Variants in TNPO3 observed in about 807,000 individuals in gnomAD.
The protein encoded by TNPO3 is transportin-3.
A neutral mutation model predicts 122.8 loss-of-function variants in TNPO3; 65 were observed. That is an observed-to-expected ratio of 0.53 (90% CI 0.43 to 0.65). The LOEUF (loss-of-function observed/expected upper bound fraction) is 0.65, where lower values mean the gene tolerates loss of function less well. Among genes scored for constraint, TNPO3 ranks in the 30% least tolerant of loss-of-function variants. TNPO3 has a pLI of 0.00. For missense variants in TNPO3, 850 were observed against 1,136.7 expected (o/e 0.75, Z 3.63); for synonymous variants, 372 against 411.2 (o/e 0.90, Z 1.15).
intron 1 of TNPO3, among the ~76,000 whole-genome samples, chr7:129,038,481 T>C (rs1806970376): frequency 6.6e-6 from 1 of 152,202 alleles, no homozygotes; most frequent in South Asian, 2.1e-4. Context: ...CATTACTGGA[T>C]GTATACCCAA....
chr7:128,973,752 A>AG (rs1798740905), intron 18 of TNPO3, among the ~76,000 whole-genome samples: 1 of 146,306 alleles, frequency 6.8e-6, no homozygotes, highest in African/African-American at 2.5e-5. Flanking sequence ...AAAAAAAAAA[A>AG]AAAAAAAAAA....
intron 1 of TNPO3, among the ~76,000 whole-genome samples, chr7:129,053,873 A>C (rs751768095): frequency 6.6e-6 from 1 of 152,242 alleles, no homozygotes; most frequent in Non-Finnish European, 1.5e-5. Context: ...AGGAAGCATA[A>C]AACATGAATC....
Position 129,027,558 on chromosome 7 carries a change from C to CAAAAAAAAAAA in TNPO3, c.121-9412_121-9402dup, listed in dbSNP as rs71162549. On this transcript the variant is annotated intron_variant, in intron 1 of 22. Transcript: ENST00000265388. ...CCTGGGCAACAGAGCAAGACTGTCT[C>CAAAAAAAAAAA]AAAAAAAAAAAAAAAAAAAAAAAAA... Among the ~76,000 whole-genome samples the CAAAAAAAAAAA allele has an allele frequency of 6.7e-4, 6 of 8,970 alleles. 1 individual carries two copies. Among genetic ancestry groups the CAAAAAAAAAAA allele is most frequent in the Admixed American group, 2.6e-3 (1 of 392 alleles). The allele number at this position is 8,970 out of a possible 152,430, so 5.9% of individuals were successfully genotyped here.
chr7:129,000,364 G>A (rs1275403533), intron 7 of TNPO3, 65 bp downstream of exon 7: 6 of 1,425,440 alleles, frequency 4.2e-6, no homozygotes, highest in Non-Finnish European at 5.6e-6. Flanking sequence ...ACGAGGTAAT[G>A]AAATATAGAT....
At chr7:128,955,986 C>T (rs1796861751) in intron 22 of TNPO3, among the ~76,000 whole-genome samples, 1 of 152,170 alleles carries the variant, frequency 6.6e-6, no homozygotes. Context: ...TCCAGAAAAG[C>T]AGATGAGGAT....
intron 6 of TNPO3, 114 bp downstream of exon 6, chr7:129,000,945 G>T: frequency 7.8e-7 from 1 of 1,278,526 alleles, no homozygotes; most frequent in Non-Finnish European, 1.1e-6. Flanking sequence ...AGCACTATCT[G>T]TACTTTACAG....
Position 129,054,937 on chromosome 7 carries a change from G to T in TNPO3, c.-167C>A. The T allele has an allele frequency of 1.2e-6, 1 of 854,288 alleles. No individual in the cohort carries two copies. Among genetic ancestry groups the T allele is most frequent in the Non-Finnish European group, 1.8e-6 (1 of 564,902 alleles). 52.9% of individuals were successfully genotyped at this position (854,288 alleles called of 1,614,324 possible). On this transcript the variant is annotated 5_prime_UTR_variant, in exon 1 of 23. Coordinates refer to ENST00000265388, the MANE Select transcript of TNPO3 (RefSeq NM_012470.4). ...GGGCAGAAGGCTCTCCGTGGAAGTT[G>T]CCCCCTCGGAAACAGCTATTAGGTC...
At position 129,027,576 on chromosome 7, in the gene TNPO3, A is replaced by C. The variant is rs1563107404; in HGVS notation, c.121-9419T>G. Among the ~76,000 whole-genome samples, 5 of 138,458 alleles carry C rather than the reference A, an allele frequency of 3.6e-5. No homozygotes were observed. The East Asian group carries it at 7.9e-4, about 22-fold the overall frequency. The allele number at this position is 138,458 out of a possible 152,430, so 90.8% of individuals were successfully genotyped here. ...ACTGTCTCAAAAAAAAAAAAAAAAA[A>C]AAAAAAAAAAAAAAACAACACAAAA... On this transcript the variant is annotated intron_variant, in intron 1 of 22. Coordinates refer to ENST00000265388, the MANE Select transcript of TNPO3 (RefSeq NM_012470.4).
intron 1 of TNPO3, 47 bp downstream of exon 1, chr7:129,054,604 C>A: frequency 1.2e-6 from 2 of 1,608,110 alleles, no homozygotes; most frequent in Non-Finnish European, 1.7e-6. Flanking sequence ...CTAGGTTCCA[C>A]CCCGCCCCGG....
intron 14 of TNPO3, among the ~76,000 whole-genome samples, 184 bp downstream of exon 14, chr7:128,982,064 T>C (rs1020310490): frequency 6.6e-6 from 1 of 152,170 alleles, no homozygotes; most frequent in Admixed American, 6.5e-5. Flanking sequence ...CACAAAGACC[T>C]ACCAGGAATG....
At chr7:129,028,998 A>G in intron 1 of TNPO3, 1 of 423,534 alleles carries the variant, frequency 2.4e-6, no homozygotes, top group South Asian at 1.9e-5. Context: ...TCTTCTGATG[A>G]TGATTAGGAT....
chr7:129,038,352 A>G (rs1388652925), intron 1 of TNPO3, among the ~76,000 whole-genome samples: 1 of 152,230 alleles, frequency 6.6e-6, no homozygotes, highest in East Asian at 1.9e-4. Flanking sequence ...GAGGTTGCAG[A>G]GAAAAAGAAA....
chr7:129,042,499 G>A (rs1263858299), intron 1 of TNPO3, among the ~76,000 whole-genome samples: 1 of 152,150 alleles, frequency 6.6e-6, no homozygotes, highest in Non-Finnish European at 1.5e-5. Context: ...TCATTTTCAT[G>A]AGACGGGTAA....
intron 3 of TNPO3, 80 bp from the exon 4 acceptor site, chr7:129,015,215 C>A: frequency 1.4e-6 from 2 of 1,450,334 alleles, no homozygotes; most frequent in South Asian, 1.3e-5. Context: ...ATCAGAGTAA[C>A]TCACAACAAC....
At chr7:129,011,749 C>T (rs1803224743) in intron 4 of TNPO3, among the ~76,000 whole-genome samples, 1 of 152,052 alleles carries the variant, frequency 6.6e-6, no homozygotes, top group Admixed American at 6.6e-5. Context: ...ACTGAAAAAG[C>T]AAGATGCAGA....
intron 12 of TNPO3, 61 bp downstream of exon 12, chr7:128,986,668 G>C (rs995669252): frequency 1.4e-6 from 2 of 1,461,084 alleles, no homozygotes; most frequent in Non-Finnish European, 1.9e-6. Flanking sequence ...TATGACAGAT[G>C]TAAGATTACC....
chr7:128,967,383 G>A lies in TNPO3; in HGVS notation c.2608C>T (p.Arg870Ter), dbSNP rs778950447. Residue 870 changes from arginine to a stop codon, truncating the protein, a stop_gained, in exon 21 of 23, where the codon CGA becomes TGA. Transcript: ENST00000265388. LOFTEE classifies it high-confidence loss of function. ...CCTTTTAAGGAATTTTCTAACCATC[G>A]ACAAAAAGTCTGTATAGGAAAGAGG... ...IMQVDRPTFC[R>*]WLENSLKGLP... 4 of 1,610,864 alleles carry A rather than the reference G, an allele frequency of 2.5e-6. No individual in the cohort carries two copies. Among genetic ancestry groups the A allele is most frequent in the East Asian group, 2.2e-5 (1 of 44,860 alleles).
chr7:129,030,391 C>T (rs1227090587), intron 1 of TNPO3: 1 of 179,750 alleles, frequency 5.6e-6, no homozygotes, highest in Non-Finnish European at 1.2e-5. Context: ...GGACCAGCAT[C>T]GAAACTCATG....
chr7:128,956,315 T>C (rs1796891995), intron 22 of TNPO3, among the ~76,000 whole-genome samples: 1 of 152,108 alleles, frequency 6.6e-6, no homozygotes. Context: ...GAGAAGAAAC[T>C]CACCTTGAGA....
Sources: allele counts gnomAD v4.1 joint callset (sites outside exome capture counted in the v4.1 genomes callset), GRCh38; gene constraint gnomAD v4.1.1; transcripts MANE v1.5; gene names NCBI Gene and HGNC (gene_info 2026-07-23, HGNC 2026-07-21).